The following SLC38A1 variants were observed in gnomAD, a reference collection of about 807,000 sequenced individuals.
SLC38A1 encodes the protein solute carrier family 38 member 1.
In SLC38A1, 18 loss-of-function variants were observed where a neutral mutation model predicts 60.3. The ratio of observed to expected loss-of-function variants is 0.30; its 90% CI spans 0.21 to 0.44. The LOEUF (loss-of-function observed/expected upper bound fraction) is 0.44, where lower values mean the gene tolerates loss of function less well. Among genes scored for constraint, SLC38A1 ranks in the 20% least tolerant of loss-of-function variants. The pLI, the probability that SLC38A1 is intolerant of heterozygous loss-of-function variation, is 1.00. For synonymous variants in SLC38A1, 196 were observed against 212.1 expected (o/e 0.92, Z 0.66); for missense variants, 448 against 587.2 (o/e 0.76, Z 2.45).
intron 1 of SLC38A1, among the ~76,000 whole-genome samples, chr12:46,260,340 C>T (rs558817241): frequency 6.6e-6 from 1 of 152,314 alleles, no homozygotes; most frequent in South Asian, 2.1e-4. Context: ...TTTCATTCTA[C>T]AAAGGCATCT....
At chr12:46,213,916 T>A (rs1162184778) in intron 5 of SLC38A1, among the ~76,000 whole-genome samples, 1 of 152,196 alleles carries the variant, frequency 6.6e-6, no homozygotes, top group East Asian at 1.9e-4. Context: ...TTAGAAACAT[T>A]AGAACCTCAT....
intron 5 of SLC38A1, among the ~76,000 whole-genome samples, chr12:46,228,725 T>C (rs570803399): frequency 6.6e-6 from 1 of 152,344 alleles, no homozygotes; most frequent in African/African-American, 2.4e-5. Context: ...ATTTCTATGC[T>C]TCTTGAATAT....
intron 16 of SLC38A1, among the ~76,000 whole-genome samples, chr12:46,189,664 A>G (rs2136826897): frequency 6.6e-6 from 1 of 152,320 alleles, no homozygotes; most frequent in Admixed American, 6.5e-5. Context: ...TTTAGCTCCC[A>G]TAATTCCCAC....
chr12:46,258,944 G>A (rs1942115779), intron 1 of SLC38A1, among the ~76,000 whole-genome samples: 1 of 152,160 alleles, frequency 6.6e-6, no homozygotes, highest in Non-Finnish European at 1.5e-5. Context: ...GTGAGCCACT[G>A]TGCCCAGCCA....
intron 10 of SLC38A1, 51 bp from the exon 11 acceptor site, chr12:46,204,468 G>C: frequency 1.3e-6 from 2 of 1,589,784 alleles, no homozygotes; most frequent in Non-Finnish European, 1.7e-6. Context: ...TAAAGCCAAT[G>C]AATAATTATT....
chr12:46,241,921 C>G (rs888860546), intron 2 of SLC38A1, among the ~76,000 whole-genome samples: 13 of 152,068 alleles, frequency 8.5e-5, no homozygotes, highest in Non-Finnish European at 1.8e-4. Context: ...TTTCTCTCTA[C>G]AAAATGGAAG....
chr12:46,265,928 C>T (rs563857846), intron 1 of SLC38A1, among the ~76,000 whole-genome samples: 2 of 152,216 alleles, frequency 1.3e-5, no homozygotes, highest in South Asian at 4.2e-4. Context: ...GTGACAGGGA[C>T]CTGAACTTGG....
chr12:46,245,901 T>C (rs1348564263), intron 1 of SLC38A1, among the ~76,000 whole-genome samples: 1 of 152,252 alleles, frequency 6.6e-6, no homozygotes, highest in Non-Finnish European at 1.5e-5. Flanking sequence ...CTCTTCCTTC[T>C]CTTTTTTAAT....
intron 16 of SLC38A1, among the ~76,000 whole-genome samples, chr12:46,193,371 T>A (rs933397518): frequency 1.3e-5 from 2 of 152,222 alleles, no homozygotes; most frequent in Admixed American, 6.5e-5. Flanking sequence ...AATTTTAGAA[T>A]AAGTGCAATG....
intron 3 of SLC38A1, among the ~76,000 whole-genome samples, chr12:46,237,331 C>CTACT (rs1941294313): frequency 6.6e-6 from 1 of 152,194 alleles, no homozygotes; most frequent in South Asian, 2.1e-4. Flanking sequence ...TATGCCAATA[C>CTACT]AGTAAGCCAG....
At position 46,213,198 on chromosome 12, in the gene SLC38A1, AC is replaced by A. The variant is rs978776738; in HGVS notation, c.315-4072del. ...AGGATTTTTAATTTCTCTGAGTCAG[AC>A]ATCTTTCTTCTTTCAAGGTAATCTA... On this transcript the variant is annotated intron_variant, in intron 5 of 16. Coordinates refer to ENST00000398637, the MANE Select transcript of SLC38A1 (RefSeq NM_030674.4). 9.8e-5 allele frequency among the ~76,000 whole-genome samples: 15 copies of A among 152,310 alleles called. No individual in the cohort carries two copies. In the East Asian group the frequency reaches 2.7e-3, roughly 27 times the overall value.
intron 1 of SLC38A1, among the ~76,000 whole-genome samples, chr12:46,252,952 A>T (rs1050757830): frequency 6.6e-6 from 1 of 151,970 alleles, no homozygotes; most frequent in Non-Finnish European, 1.5e-5. Flanking sequence ...AGAAACAGAA[A>T]GAAAAATACT....
In SLC38A1 at chr12:46,234,785, A is replaced by C. The variant is rs112576924; in HGVS notation, c.122+4894T>G. On this transcript the variant is annotated intron_variant, in intron 3 of 16. Coordinates refer to ENST00000398637, the MANE Select transcript of SLC38A1 (RefSeq NM_030674.4). ...CTTTTTGTAATGGAAAATTCCATTC[A>C]AAATAACTGGGTCAAGCAGCGTATC... 1.5e-3 allele frequency among the ~76,000 whole-genome samples: 233 copies of C among 152,342 alleles called. 1 individual carries two copies. Among genetic ancestry groups the C allele is most frequent in the African/African-American group, 5.1e-3 (214 of 41,574 alleles).
chr12:46,264,593 G>A (rs1188105592), intron 1 of SLC38A1, among the ~76,000 whole-genome samples: 1 of 152,058 alleles, frequency 6.6e-6, no homozygotes, highest in East Asian at 1.9e-4. Flanking sequence ...GGTTATTGAA[G>A]TTAATCTTTT....
At chr12:46,190,953 T>A (rs535880683) in intron 16 of SLC38A1, among the ~76,000 whole-genome samples, 86 of 152,270 alleles carry the variant, frequency 5.6e-4, no homozygotes, top group African/African-American at 1.9e-3. Context: ...CCCATTTGTC[T>A]ATTTTGGCTT....
At chr12:46,226,684 C>T (rs984036391) in intron 5 of SLC38A1, among the ~76,000 whole-genome samples, 3 of 147,294 alleles carry the variant, frequency 2.0e-5, no homozygotes, top group South Asian at 2.1e-4. Flanking sequence ...GACACAATCT[C>T]GGCTCACTGC....
At chr12:46,202,897 G>A in intron 12 of SLC38A1, 113 bp downstream of exon 12, 1 of 674,854 alleles carries the variant, frequency 1.5e-6, no homozygotes, top group Non-Finnish European at 2.6e-6. Context: ...GTTGAAGCTG[G>A]GTGATGAATC....
At position 46,231,297 on chromosome 12, in the gene SLC38A1, G is replaced by A. The variant is rs569945054; in HGVS notation, c.123-1658C>T. ...ATAGACACTGGAGACTCCAAAGAAG[G>A]GGAAGGTGGGAGGGGGCAAGGGATG... On this transcript the variant is annotated intron_variant, in intron 3 of 16. Transcript: ENST00000398637. 1.6e-3 allele frequency among the ~76,000 whole-genome samples: 251 copies of A among 152,280 alleles called. 2 individuals are homozygous for A. The highest frequency in any genetic ancestry group is 5.5e-3 in the Admixed American group (84 of 15,284).
At position 46,187,799 on chromosome 12, in the gene SLC38A1, T is replaced by C. The variant is rs1938989345; in HGVS notation, c.*1171A>G. ...CTCTGAGGGTTTTTTTTTTTTTTTT[T>C]TCACAAGACTAGATGGAGAATTAAT... is the stretch of plus-strand genomic sequence containing the variant. On this transcript the variant is annotated 3_prime_UTR_variant, in exon 17 of 17. Transcript: ENST00000398637. The C allele has an allele frequency of 2.3e-5, 3 of 132,230 alleles. No homozygotes were observed. The highest frequency in any genetic ancestry group is 5.2e-4 in the South Asian group (2 of 3,822). 8.2% of individuals were successfully genotyped at this position (132,230 alleles called of 1,614,324 possible). A position where few individuals can be genotyped will look rare whatever the true frequency, so the allele number is the denominator to read the frequency against.
Sources: allele counts gnomAD v4.1 joint callset (sites outside exome capture counted in the v4.1 genomes callset), GRCh38; gene constraint gnomAD v4.1.1; transcripts MANE v1.5; gene names NCBI Gene and HGNC (gene_info 2026-07-23, HGNC 2026-07-21).